The following SVOP variants were observed in gnomAD, a reference collection of about 807,000 sequenced individuals.
SVOP encodes synaptic vesicle 2-related protein.
SVOP carries 17 observed loss-of-function variants against 69.1 expected under a neutral mutation model. That is an observed-to-expected ratio of 0.25 (90% CI 0.17 to 0.37). The LOEUF is 0.37. Ranked by LOEUF, SVOP falls within the 10% of genes least tolerant of loss-of-function variation. The probability of loss-of-function intolerance (pLI) is 1.00; values close to 1 mark genes in which losing one functional copy is unlikely to be tolerated. For missense variants in SVOP, 435 were observed against 597.5 expected (o/e 0.73, Z 2.84); for synonymous variants, 238 against 238.6 (o/e 1.00, Z 0.02).
chr12:108,944,001 C>T (rs150245904), intron 7 of SVOP, among the ~76,000 whole-genome samples: 3,248 of 152,148 alleles, frequency 0.021, 132 homozygotes, highest in African/African-American at 0.074. Flanking sequence ...CCTGCCTCAG[C>T]CTCCCAACTA....
chr12:108,936,167 T>C (rs576563676), intron 10 of SVOP, among the ~76,000 whole-genome samples: 57 of 152,142 alleles, frequency 3.7e-4, no homozygotes, highest in African/African-American at 1.3e-3. Flanking sequence ...TCCCCCAGCC[T>C]CCCAAGTAGC....
chr12:109,012,945 G>C (rs2040350197), intron 1 of SVOP, among the ~76,000 whole-genome samples: 1 of 152,044 alleles, frequency 6.6e-6, no homozygotes, highest in Non-Finnish European at 1.5e-5. Context: ...AGGAATATGG[G>C]GAAGCAGAAA....
chr12:108,926,701 G>A (rs1016464587), intron 11 of SVOP, among the ~76,000 whole-genome samples: 14 of 152,260 alleles, frequency 9.2e-5, no homozygotes, highest in African/African-American at 3.1e-4. Context: ...TGGTGGTGAT[G>A]CAGTTGACTG....
At chr12:108,975,472 G>T (rs1010485371) in intron 4 of SVOP, among the ~76,000 whole-genome samples, 1 of 152,200 alleles carries the variant, frequency 6.6e-6, no homozygotes, top group African/African-American at 2.4e-5. Flanking sequence ...CTTACAGGCT[G>T]TCTGGGCTTG....
chr12:108,973,470 C>A (rs1207481641), intron 4 of SVOP, among the ~76,000 whole-genome samples: 1 of 152,174 alleles, frequency 6.6e-6, no homozygotes, highest in African/African-American at 2.4e-5. Context: ...TGGTTCACTG[C>A]AGCCTCAGCC....
rs187328721 is a variant in SVOP, at chr12:108,968,969, G to T, written c.453+3436C>A. 3.9e-4 allele frequency among the ~76,000 whole-genome samples: 59 copies of T among 152,158 alleles called. 1 individual carries two copies. The highest frequency in any genetic ancestry group is 1.3e-3 in the African/African-American group (52 of 41,504). ...CCACTGGGCCTGGCTAAGTTTTGTA[G>T]TTTTTGTAGAGATGGGGTTTCGCCA... On this transcript the variant is annotated intron_variant, in intron 5 of 15. Coordinates refer to ENST00000610966, the MANE Select transcript of SVOP (RefSeq NM_018711.5).
intron 11 of SVOP, 49 bp downstream of exon 11, chr12:108,934,146 G>A (rs1161650487): frequency 1.3e-6 from 2 of 1,505,768 alleles, no homozygotes; most frequent in Non-Finnish European, 9.1e-7. Flanking sequence ...CTGTGTATGT[G>A]CCGAGGGTGT....
Position 108,947,757 on chromosome 12 carries a change from C to A in SVOP, c.579-2591G>T, listed in dbSNP as rs373865994. 2.5e-4 allele frequency among the ~76,000 whole-genome samples: 38 copies of A among 152,238 alleles called. No homozygotes were observed. In the South Asian group the frequency reaches 7.5e-3, roughly 30 times the overall value. ...CTTCAATTTTGCTAGAAAGAGGAGG[C>A]CTTCTTTTCTCTCATATCTCCCACC... On this transcript the variant is annotated intron_variant, in intron 6 of 15. Transcript: ENST00000610966.
chr12:108,977,674 A>G (rs894766522), intron 3 of SVOP, among the ~76,000 whole-genome samples, 178 bp from the exon 4 acceptor site: 9 of 152,122 alleles, frequency 5.9e-5, no homozygotes, highest in Admixed American at 5.2e-4. Flanking sequence ...ATGCATTACC[A>G]TTGCAGGAAT....
intron 1 of SVOP, among the ~76,000 whole-genome samples, chr12:109,017,961 A>G (rs539602290): frequency 6.6e-6 from 1 of 152,324 alleles, no homozygotes; most frequent in South Asian, 2.1e-4. Context: ...AAATAGCCAC[A>G]TGTAGCTAGT....
chr12:109,006,194 A>T (rs531540364), intron 1 of SVOP, among the ~76,000 whole-genome samples: 6 of 152,190 alleles, frequency 3.9e-5, no homozygotes, highest in Non-Finnish European at 5.9e-5. Flanking sequence ...CTGGGATTAC[A>T]GCTGCCTGCT....
chr12:108,937,097 G>C, intron 10 of SVOP, 167 bp downstream of exon 10: 1 of 687,934 alleles, frequency 1.5e-6, no homozygotes, highest in Non-Finnish European at 2.6e-6. Context: ...AGTACGTACA[G>C]ATGATAACCT....
At chr12:108,946,073 T>G (rs919159350) in intron 6 of SVOP, among the ~76,000 whole-genome samples, 1 of 152,158 alleles carries the variant, frequency 6.6e-6, no homozygotes, top group Non-Finnish European at 1.5e-5. Context: ...TCTACCACTG[T>G]GATGGTAACA....
intron 12 of SVOP, among the ~76,000 whole-genome samples, chr12:108,920,295 A>G (rs191347671): frequency 6.6e-6 from 1 of 152,318 alleles, no homozygotes; most frequent in Admixed American, 6.5e-5. Context: ...CATTGTTTTA[A>G]GCCACTACAT....
At chr12:108,990,441 T>C (rs1428023721) in intron 1 of SVOP, among the ~76,000 whole-genome samples, 1 of 143,854 alleles carries the variant, frequency 7.0e-6, no homozygotes, top group African/African-American at 2.6e-5. Context: ...TTCTCACTCA[T>C]AGGTGGGAAC....
chr12:108,953,153 C>T (rs547175653), intron 6 of SVOP, among the ~76,000 whole-genome samples: 75,653 of 101,642 alleles, frequency 0.74, 27,255 homozygotes, highest in Middle Eastern at 0.84. Context: ...TTTTTTTTTT[C>T]TTTTTTTTTT....
chr12:108,953,679 G>C (rs1050102897), intron 6 of SVOP, among the ~76,000 whole-genome samples: 2 of 152,146 alleles, frequency 1.3e-5, no homozygotes, highest in Non-Finnish European at 2.9e-5. Flanking sequence ...AACTAGATAG[G>C]AACATTGTAT....
chr12:108,979,219 A>G (rs1340167686), intron 2 of SVOP, among the ~76,000 whole-genome samples: 1 of 80,580 alleles, frequency 1.2e-5, no homozygotes, highest in African/African-American at 3.6e-5. Context: ...TTCCATGGCC[A>G]GAAAAAAAAG....
intron 1 of SVOP, among the ~76,000 whole-genome samples, chr12:108,999,524 A>C (rs2040255926): frequency 7.6e-6 from 1 of 131,444 alleles, no homozygotes; most frequent in African/African-American, 2.8e-5. Flanking sequence ...TTTCAGCACC[A>C]CACCACACCT....
Sources: gnomAD v4.1 joint callset for allele counts (sites outside exome capture counted in the v4.1 genomes callset) on GRCh38, gnomAD v4.1.1 for gene constraint, MANE v1.5 for transcripts, NCBI Gene and HGNC (gene_info 2026-07-23, HGNC 2026-07-21) for gene names.